BPNT2: variants seen among roughly 807,000 people sequenced by gnomAD.
BPNT2 encodes the protein 3'(2'), 5'-bisphosphate nucleotidase 2.
A neutral mutation model predicts 29.3 loss-of-function variants in BPNT2; 11 were observed. The observed-to-expected ratio is 0.38, with a 90% CI of 0.24 to 0.62. The LOEUF (loss-of-function observed/expected upper bound fraction) is 0.62, where lower values mean the gene tolerates loss of function less well. Ranked by LOEUF, BPNT2 falls within the 20% of genes least tolerant of loss-of-function variation. The pLI is 0.62. For missense variants in BPNT2, 459 were observed against 473.4 expected, an observed-to-expected ratio of 0.97 and a Z score of 0.28; for synonymous variants, 195 against 187.7, an observed-to-expected ratio of 1.04 and a Z score of -0.32.
chr8:56,958,519 T>A lies in BPNT2; in HGVS notation c.*5274A>T, dbSNP rs1335435394. ...AACAGCTAATGGTCTAGTTCCTCCA[T>A]GGCTTTAAATGCATGAAAGGGAAAA... On this transcript the variant is annotated 3_prime_UTR_variant, in exon 5 of 5. Coordinates refer to ENST00000262644, the MANE Select transcript of BPNT2 (RefSeq NM_017813.5). 6.6e-6 allele frequency: 1 copy of A among 152,220 alleles called. No individual in the cohort carries two copies. Among genetic ancestry groups the A allele is most frequent in the Non-Finnish European group, 1.5e-5 (1 of 68,034 alleles). 9.4% of individuals were successfully genotyped at this position (152,220 alleles called of 1,614,324 possible). A position where few individuals can be genotyped will look rare whatever the true frequency, so the allele number is the denominator to read the frequency against.
chr8:56,964,277 A>C, intron 4 of BPNT2: 1 of 471,202 alleles, frequency 2.1e-6, no homozygotes, highest in Admixed American at 3.8e-5. Flanking sequence ...TACATTGCAA[A>C]GTAACTTATT....
At chr8:56,973,544 T>C (rs1009626017) in intron 3 of BPNT2, among the ~76,000 whole-genome samples, 2 of 152,122 alleles carry the variant, frequency 1.3e-5, no homozygotes, top group Non-Finnish European at 2.9e-5. Context: ...AAGAAAATCA[T>C]GAGAGTGCAG....
intron 1 of BPNT2, among the ~76,000 whole-genome samples, chr8:56,992,031 C>G (rs1240754733): frequency 1.3e-5 from 2 of 151,896 alleles, no homozygotes; most frequent in East Asian, 3.9e-4. Context: ...ATACAATGTT[C>G]CTTTCCACTG....
chr8:56,979,723 T>C (rs544664884), intron 2 of BPNT2, among the ~76,000 whole-genome samples: 1 of 152,300 alleles, frequency 6.6e-6, no homozygotes, highest in South Asian at 2.1e-4. Context: ...AAAAGGGGAC[T>C]GGAGGGACAG....
chr8:56,966,742 G>A (rs1805959815), intron 3 of BPNT2, among the ~76,000 whole-genome samples: 1 of 152,058 alleles, frequency 6.6e-6, no homozygotes, highest in African/African-American at 2.4e-5. Flanking sequence ...ACACCCTGAA[G>A]CTAATCTCCA....
intron 3 of BPNT2, among the ~76,000 whole-genome samples, chr8:56,976,189 A>G (rs1414237274): frequency 6.6e-6 from 1 of 152,162 alleles, no homozygotes; most frequent in Non-Finnish European, 1.5e-5. Flanking sequence ...GGTGAAATAC[A>G]GCTGAAGTGG....
intron 1 of BPNT2, among the ~76,000 whole-genome samples, chr8:56,987,453 C>T (rs1806344410): frequency 6.6e-6 from 1 of 152,174 alleles, no homozygotes; most frequent in African/African-American, 2.4e-5. Flanking sequence ...AGAAAGACTG[C>T]CCCTTCTTCT....
chr8:56,966,806 T>A (rs1261261248), intron 3 of BPNT2, among the ~76,000 whole-genome samples: 1 of 152,122 alleles, frequency 6.6e-6, no homozygotes, highest in East Asian at 1.9e-4. Flanking sequence ...ACAAGTAACT[T>A]CCCTAACTCC....
chr8:56,977,727 T>C (rs1381387573), intron 3 of BPNT2, among the ~76,000 whole-genome samples: 1 of 152,014 alleles, frequency 6.6e-6, no homozygotes, highest in East Asian at 1.9e-4. Context: ...ACAGAGAGAA[T>C]GCCATATGAT....
intron 1 of BPNT2, 35 bp downstream of exon 1, chr8:56,993,164 C>A: frequency 6.3e-7 from 1 of 1,576,700 alleles, no homozygotes. Flanking sequence ...ACGCGCTACC[C>A]GGCTCGAGTG....
intron 1 of BPNT2, 110 bp from the exon 2 acceptor site, chr8:56,980,307 C>G: frequency 1.2e-6 from 1 of 858,150 alleles, no homozygotes; most frequent in Non-Finnish European, 1.9e-6. Flanking sequence ...TAAGTAAATC[C>G]CTATTTTTAT....
chr8:56,980,014 T>C (rs1294832151), intron 2 of BPNT2, 21 bp downstream of exon 2: 15 of 1,611,838 alleles, frequency 9.3e-6, no homozygotes, highest in Non-Finnish European at 1.3e-5. Flanking sequence ...TCAAATGTTT[T>C]GAGTTCAGTT....
At chr8:56,975,738 T>C (rs1203964021) in intron 3 of BPNT2, among the ~76,000 whole-genome samples, 1 of 152,188 alleles carries the variant, frequency 6.6e-6, no homozygotes, top group Non-Finnish European at 1.5e-5. Context: ...TTAAGTATAC[T>C]GCAAATTGTT....
Position 56,978,038 on chromosome 8 carries a change from C to A in BPNT2, c.646+12G>T, listed in dbSNP as rs1411732158. The A allele has an allele frequency of 6.7e-7, 1 of 1,482,154 alleles. No individual in the cohort carries two copies. Among genetic ancestry groups the A allele is most frequent in the South Asian group, 1.1e-5 (1 of 88,386 alleles). 91.8% of individuals were successfully genotyped at this position (1,482,154 alleles called of 1,614,324 possible). On this transcript the variant is annotated intron_variant, in intron 3 of 4. Transcript: ENST00000262644. The stretch of plus-strand genomic sequence containing the variant: ...TAACAATAATTCTTGAAAGTTCTAG[C>A]AAATTTCATACCTGTATATTCGGAA...
intron 3 of BPNT2, among the ~76,000 whole-genome samples, chr8:56,972,020 G>C (rs1322309794): frequency 6.7e-6 from 1 of 148,560 alleles, no homozygotes; most frequent in Non-Finnish European, 1.5e-5. Flanking sequence ...GCGTGAACCT[G>C]GGAGGTGGAG....
chr8:56,982,322 C>T (rs1016074563), intron 1 of BPNT2, among the ~76,000 whole-genome samples: 7 of 152,200 alleles, frequency 4.6e-5, no homozygotes, highest in African/African-American at 1.4e-4. Context: ...GAGATTTCAC[C>T]GTGTTGGCCA....
intron 3 of BPNT2, among the ~76,000 whole-genome samples, chr8:56,971,600 G>C (rs185560717): frequency 8.6e-5 from 13 of 152,028 alleles, no homozygotes; most frequent in Non-Finnish European, 1.9e-4. Flanking sequence ...AGCTTATTTT[G>C]TCATTTACTA....
chr8:56,964,141 CT>C (rs1220181972), intron 4 of BPNT2, 77 bp from the exon 5 acceptor site: 1 of 1,060,086 alleles, frequency 9.4e-7, no homozygotes, highest in African/African-American at 1.6e-5. Context: ...ATTAAGTATC[CT>C]GTTAAAATAG....
At chr8:56,982,086 T>C (rs1038594398) in intron 1 of BPNT2, among the ~76,000 whole-genome samples, 11 of 151,994 alleles carry the variant, frequency 7.2e-5, no homozygotes, top group African/African-American at 2.4e-4. Context: ...AAAATACTAA[T>C]ATTCTAGAAA....
Sources: gnomAD v4.1 joint callset for allele counts (sites outside exome capture counted in the v4.1 genomes callset) on GRCh38, gnomAD v4.1.1 for gene constraint, MANE v1.5 for transcripts, NCBI Gene and HGNC (gene_info 2026-07-23, HGNC 2026-07-21) for gene names.